The following SDK1 variants were observed in gnomAD, a reference collection of about 807,000 sequenced individuals.
The protein encoded by SDK1 is protein sidekick-1.
SDK1 carries 157 observed loss-of-function variants against 245.5 expected under a neutral mutation model. That is an observed-to-expected ratio of 0.64 (90% CI 0.56 to 0.73). The LOEUF (loss-of-function observed/expected upper bound fraction) is 0.73. Among genes scored for constraint, SDK1 ranks in the 30% least tolerant of loss-of-function variants. The pLI, the probability that SDK1 is intolerant of heterozygous loss-of-function variation, is 0.00. For synonymous variants in SDK1, 1,647 were observed against 1,278.5 expected, an observed-to-expected ratio of 1.29 and a Z score of -6.15; for missense variants, 3,583 against 3,002.3, an observed-to-expected ratio of 1.19 and a Z score of -4.52.
chr7:3,966,630 G>A (rs954563967), intron 9 of SDK1, among the ~76,000 whole-genome samples: 9 of 151,994 alleles, frequency 5.9e-5, no homozygotes, highest in African/African-American at 2.2e-4. Flanking sequence ...ATCCTAGAAA[G>A]CATCCTAGAA....
intron 5 of SDK1, among the ~76,000 whole-genome samples, chr7:3,899,895 C>T (rs530468804): frequency 3.9e-4 from 60 of 152,374 alleles, no homozygotes; most frequent in African/African-American, 1.4e-3. Flanking sequence ...AGCTCTGCTG[C>T]AGGCATTGTG....
At chr7:4,227,814 A>G (rs912440559) in intron 40 of SDK1, among the ~76,000 whole-genome samples, 1 of 152,178 alleles carries the variant, frequency 6.6e-6, no homozygotes. Flanking sequence ...TCAATTCAGA[A>G]AAGAGGTGAT....
chr7:3,701,845 A>C (rs1416401797), intron 4 of SDK1, among the ~76,000 whole-genome samples: 18 of 151,696 alleles, frequency 1.2e-4, no homozygotes, highest in Non-Finnish European at 2.2e-4. Context: ...GAGATTTTTG[A>C]CAAAAGCATA....
chr7:3,556,615 T>G (rs2705600), intron 1 of SDK1, among the ~76,000 whole-genome samples: 105,683 of 151,692 alleles, frequency 0.7, 36,938 homozygotes, highest in South Asian at 0.82. Flanking sequence ...CAGGTCAGGA[T>G]TTTGAGACCA....
intron 1 of SDK1, among the ~76,000 whole-genome samples, chr7:3,436,964 A>G (rs1261847176): frequency 2.0e-5 from 3 of 152,208 alleles, no homozygotes; most frequent in Non-Finnish European, 4.4e-5. Flanking sequence ...TAGAATGTCT[A>G]ACGGATTAGT....
intron 1 of SDK1, among the ~76,000 whole-genome samples, chr7:3,409,370 A>G (rs547144817): frequency 2.6e-5 from 4 of 151,354 alleles, no homozygotes; most frequent in African/African-American, 7.3e-5. Context: ...ATGGATTACA[A>G]TCTGATCACA....
At chr7:3,792,326 C>G (rs562287177) in intron 4 of SDK1, among the ~76,000 whole-genome samples, 1 of 152,160 alleles carries the variant, frequency 6.6e-6, no homozygotes, top group South Asian at 2.1e-4. Flanking sequence ...TGTGCCTTTC[C>G]TCCTCCCTCT....
In SDK1 at chr7:3,504,182, A is replaced by ATGTGTGTGTGTGTGTGTGTGTGTGTG. The variant is rs56306302; in HGVS notation, c.299-114892_299-114867dup. On this transcript the variant is annotated intron_variant, in intron 1 of 44. Coordinates refer to ENST00000404826, the MANE Select transcript of SDK1 (RefSeq NM_152744.4). Reference sequence around the variant, plus strand: ...AACCAAAAAAATTATATATATATATATGTGTGTGTGTGTGTGTGTGTGTGT... The same window carrying ATGTGTGTGTGTGTGTGTGTGTGTGTG: ...AACCAAAAAAATTATATATATATATATGTGTGTGTGTGTGTGTGTGTGTGTGTGTGTGTGTGTGTGTGTGTGTGTGT... 1.9e-3 allele frequency among the ~76,000 whole-genome samples: 248 copies of ATGTGTGTGTGTGTGTGTGTGTGTGTG among 131,918 alleles called. 2 individuals carry two copies. Among genetic ancestry groups the ATGTGTGTGTGTGTGTGTGTGTGTGTG allele is most frequent in the South Asian group, 3.6e-3 (13 of 3,574 alleles). The allele number at this position is 131,918 out of a possible 152,430, so 86.5% of individuals were successfully genotyped here. A position where few individuals can be genotyped will look rare whatever the true frequency, so the allele number is the denominator to read the frequency against.
At chr7:3,753,478 C>G (rs1488376364) in intron 4 of SDK1, among the ~76,000 whole-genome samples, 1 of 152,138 alleles carries the variant, frequency 6.6e-6, no homozygotes, top group African/African-American at 2.4e-5. Context: ...AAATGCAAGG[C>G]AGTAGCCCAT....
chr7:3,585,586 A>G (rs1486327810), intron 1 of SDK1, among the ~76,000 whole-genome samples: 1 of 152,162 alleles, frequency 6.6e-6, no homozygotes, highest in Non-Finnish European at 1.5e-5. Context: ...AGGGTCATGA[A>G]GAAGGAAATT....
Position 3,425,887 on chromosome 7 carries a change from G to T in SDK1, c.298+124003G>T, listed in dbSNP as rs779235731. Among the ~76,000 whole-genome samples the T allele has an allele frequency of 3.9e-5, 6 of 152,132 alleles. No individual in the cohort carries two copies. In the South Asian group the frequency reaches 1.0e-3, roughly 26 times the overall value. On this transcript the variant is annotated intron_variant, in intron 1 of 44. Transcript: ENST00000404826. ...GTCTTTCTAAAAACAAAAGATAAGA[G>T]ACAATAGGAGCCCACATAGGATGGA... is the stretch of plus-strand genomic sequence containing the variant.
intron 35 of SDK1, among the ~76,000 whole-genome samples, chr7:4,189,580 T>A (rs779910918): frequency 1.3e-5 from 2 of 152,196 alleles, no homozygotes; most frequent in Non-Finnish European, 2.9e-5. Context: ...CCAGGCATGG[T>A]GGCTCATGCC....
intron 19 of SDK1, among the ~76,000 whole-genome samples, chr7:4,053,873 A>G (rs998023235): frequency 4.6e-5 from 7 of 151,792 alleles, no homozygotes; most frequent in African/African-American, 1.7e-4. Flanking sequence ...GCTTTTGTTT[A>G]ACTGATTTTG....
chr7:4,237,869 C>T, intron 42 of SDK1, 85 bp downstream of exon 42: 1 of 1,484,884 alleles, frequency 6.7e-7, no homozygotes, highest in Non-Finnish European at 9.2e-7. Flanking sequence ...TCTGCCGGGC[C>T]CGTGTCTGCT....
At chr7:3,977,584 C>T (rs1783051051) in intron 13 of SDK1, among the ~76,000 whole-genome samples, 2 of 152,364 alleles carry the variant, frequency 1.3e-5, no homozygotes, top group South Asian at 4.1e-4. Context: ...CGTGGGCTTC[C>T]CCGGAGGTCT....
chr7:4,062,453 T>C (rs902409915), intron 19 of SDK1, among the ~76,000 whole-genome samples: 1 of 152,152 alleles, frequency 6.6e-6, no homozygotes, highest in South Asian at 2.1e-4. Context: ...GGTAATGAGA[T>C]TGAGTCAGTA....
intron 5 of SDK1, among the ~76,000 whole-genome samples, chr7:3,931,375 G>A (rs1779972265): frequency 6.6e-6 from 1 of 152,146 alleles, no homozygotes; most frequent in Admixed American, 6.5e-5. Context: ...CCTCTGCCAT[G>A]GTTTTAGATG....
chr7:4,040,126 A>C (rs972527876), intron 17 of SDK1, among the ~76,000 whole-genome samples: 1 of 152,184 alleles, frequency 6.6e-6, no homozygotes, highest in Non-Finnish European at 1.5e-5. Context: ...CTGTCTCACC[A>C]CACTGGGGGC....
chr7:3,768,892 G>A (rs115717813), intron 4 of SDK1, among the ~76,000 whole-genome samples: 213 of 152,148 alleles, frequency 1.4e-3, no homozygotes, highest in African/African-American at 4.9e-3. Flanking sequence ...TAGACTTGCC[G>A]TAGGAACACA....
Sources: gnomAD v4.1 joint callset for allele counts (sites outside exome capture counted in the v4.1 genomes callset) on GRCh38, gnomAD v4.1.1 for gene constraint, MANE v1.5 for transcripts, NCBI Gene and HGNC (gene_info 2026-07-23, HGNC 2026-07-21) for gene names.